The following LRRTM4 variants were observed in gnomAD, a reference collection of about 807,000 sequenced individuals.
The protein encoded by LRRTM4 is leucine rich repeat transmembrane neuronal 4.
A neutral mutation model predicts 47.6 loss-of-function variants in LRRTM4; 25 were observed. The ratio of observed to expected loss-of-function variants is 0.53; its 90% CI spans 0.38 to 0.73. The LOEUF (loss-of-function observed/expected upper bound fraction) is 0.73. Ranked by LOEUF, LRRTM4 falls within the 30% of genes least tolerant of loss-of-function variation. The pLI, the probability that LRRTM4 is intolerant of heterozygous loss-of-function variation, is 0.00. For missense variants in LRRTM4, 638 were observed against 713.4 expected (o/e 0.89, Z 1.20); for synonymous variants, 311 against 269.5 (o/e 1.15, Z -1.51).
chr2:77,401,460 G>A (rs77992718), intron 3 of LRRTM4, among the ~76,000 whole-genome samples: 1,660 of 151,316 alleles, frequency 0.011, 17 homozygotes, highest in African/African-American at 0.031. Flanking sequence ...GTAACATTAC[G>A]GTAAATATAA....
chr2:76,779,235 G>C lies in LRRTM4; in HGVS notation c.1552-30319C>G, dbSNP rs377039107. Reference sequence around the variant, plus strand: ...TGTGGTGCTGAAAAAAATGTATATTGTGTTGATTTGGGGTGGAGAGTTCTG... The same window carrying C: ...TGTGGTGCTGAAAAAAATGTATATTCTGTTGATTTGGGGTGGAGAGTTCTG... On this transcript the variant is annotated intron_variant, in intron 3 of 3. Transcript: ENST00000409884. Among the ~76,000 whole-genome samples, 54 of 152,122 alleles carry C rather than the reference G, an allele frequency of 3.5e-4. No individual in the cohort carries two copies. The East Asian group carries it at 4.8e-3, about 14-fold the overall frequency.
At chr2:77,304,472 T>G (rs1165598225) in intron 3 of LRRTM4, among the ~76,000 whole-genome samples, 13 of 152,046 alleles carry the variant, frequency 8.6e-5, no homozygotes, top group African/African-American at 3.1e-4. Flanking sequence ...CTAGACCACT[T>G]CAATGGAACT....
At chr2:76,768,444 C>G (rs1673543049) in intron 3 of LRRTM4, among the ~76,000 whole-genome samples, 1 of 152,058 alleles carries the variant, frequency 6.6e-6, no homozygotes, top group Admixed American at 6.6e-5. Context: ...GAGTTTAAAG[C>G]ATGCAAAAGA....
intron 3 of LRRTM4, among the ~76,000 whole-genome samples, chr2:76,777,187 G>T (rs1050289814): frequency 2.0e-5 from 3 of 150,748 alleles, no homozygotes; most frequent in Non-Finnish European, 2.9e-5. Flanking sequence ...TGAAGTCAGG[G>T]AGTGTGATGC....
chr2:76,866,288 C>T (rs142175372), intron 3 of LRRTM4, among the ~76,000 whole-genome samples: 244 of 152,306 alleles, frequency 1.6e-3, no homozygotes, highest in African/African-American at 5.6e-3. Flanking sequence ...CAGTTTCCAT[C>T]ATCCTTCTCT....
rs1482412457 is a variant in LRRTM4, at chr2:77,456,144, C to T, written c.1551+62174G>A. Reference sequence around the variant, plus strand: ...ACAGAAAATCACAAATCCCTACTGACTAAATTCAATTTATGCTTGTGATCA... The same window carrying T: ...ACAGAAAATCACAAATCCCTACTGATTAAATTCAATTTATGCTTGTGATCA... On this transcript the variant is annotated intron_variant, in intron 3 of 3. Transcript: ENST00000409884. Among the ~76,000 whole-genome samples the T allele has an allele frequency of 3.1e-4, 47 of 152,150 alleles. 1 individual carries two copies. Among genetic ancestry groups the T allele is most frequent in the Admixed American group, 3.1e-3 (47 of 15,266 alleles).
intron 3 of LRRTM4, among the ~76,000 whole-genome samples, chr2:77,249,852 A>C (rs1164891453): frequency 6.6e-6 from 1 of 152,252 alleles, no homozygotes; most frequent in Non-Finnish European, 1.5e-5. Flanking sequence ...TTACATCCAC[A>C]GAAAAATTTG....
intron 3 of LRRTM4, among the ~76,000 whole-genome samples, chr2:77,207,982 G>C (rs1674188721): frequency 7.1e-6 from 1 of 141,150 alleles, no homozygotes; most frequent in Non-Finnish European, 1.5e-5. Context: ...GGGTTCAAGA[G>C]ATTCTCCTGC....
At chr2:77,271,879 C>A (rs1025243522) in intron 3 of LRRTM4, among the ~76,000 whole-genome samples, 1 of 152,274 alleles carries the variant, frequency 6.6e-6, no homozygotes, top group Admixed American at 6.5e-5. Context: ...ATGTGTCATG[C>A]GTACTCACTC....
intron 3 of LRRTM4, among the ~76,000 whole-genome samples, chr2:77,434,907 T>A (rs1397488674): frequency 6.6e-6 from 1 of 152,082 alleles, no homozygotes; most frequent in African/African-American, 2.4e-5. Flanking sequence ...ATATGTAAAC[T>A]GTAGCTATAT....
At chr2:76,766,520 C>T (rs1673462530) in intron 3 of LRRTM4, among the ~76,000 whole-genome samples, 1 of 152,210 alleles carries the variant, frequency 6.6e-6, no homozygotes, top group African/African-American at 2.4e-5. Flanking sequence ...TTTAACTGCC[C>T]TTCTCTGCCC....
intron 3 of LRRTM4, among the ~76,000 whole-genome samples, chr2:76,898,558 A>C (rs1394688435): frequency 4.1e-5 from 6 of 146,416 alleles, no homozygotes; most frequent in Non-Finnish European, 8.9e-5. Context: ...CGTCTCAAAA[A>C]AAAAAAAAAA....
At chr2:76,773,319 A>T (rs2104120292) in intron 3 of LRRTM4, among the ~76,000 whole-genome samples, 1 of 152,242 alleles carries the variant, frequency 6.6e-6, no homozygotes. Flanking sequence ...GGGCTTACAC[A>T]CTTTTCTGCC....
At chr2:77,229,837 A>G (rs1003518942) in intron 3 of LRRTM4, among the ~76,000 whole-genome samples, 1 of 152,082 alleles carries the variant, frequency 6.6e-6, no homozygotes, top group African/African-American at 2.4e-5. Flanking sequence ...TTTTCTTCAT[A>G]TATCTGTTCA....
intron 3 of LRRTM4, among the ~76,000 whole-genome samples, chr2:77,422,532 C>A (rs1401639671): frequency 6.6e-6 from 1 of 152,108 alleles, no homozygotes; most frequent in Admixed American, 6.6e-5. Context: ...ACACATCAAC[C>A]ATTTGCAAGA....
intron 3 of LRRTM4, among the ~76,000 whole-genome samples, chr2:76,804,380 AACACACAT>A (rs1457966793): frequency 6.6e-6 from 1 of 151,968 alleles, no homozygotes; most frequent in African/African-American, 2.4e-5. Context: ...AAAACATGAG[AACACACAT>A]ACACACACAC....
At chr2:76,773,389 CT>C (rs1434961960) in intron 3 of LRRTM4, among the ~76,000 whole-genome samples, 1 of 152,172 alleles carries the variant, frequency 6.6e-6, no homozygotes, top group Non-Finnish European at 1.5e-5. Flanking sequence ...CTTAAATAAA[CT>C]CTTTCTTGCC....
chr2:76,960,745 G>A (rs1235503926), intron 3 of LRRTM4, among the ~76,000 whole-genome samples: 1 of 151,428 alleles, frequency 6.6e-6, no homozygotes, highest in African/African-American at 2.4e-5. Context: ...TATACATTTT[G>A]TTTTCCCTAA....
chr2:76,792,206 A>G (rs750984807), intron 3 of LRRTM4, among the ~76,000 whole-genome samples: 1 of 152,120 alleles, frequency 6.6e-6, no homozygotes, highest in Non-Finnish European at 1.5e-5. Context: ...CCTGTAGTAT[A>G]ATTATGTTTC....
Sources: allele counts gnomAD v4.1 joint callset (sites outside exome capture counted in the v4.1 genomes callset), GRCh38; gene constraint gnomAD v4.1.1; transcripts MANE v1.5; gene names NCBI Gene and HGNC (gene_info 2026-07-23, HGNC 2026-07-21).